Variants in TOX2 observed in about 807,000 individuals in gnomAD.
TOX2 encodes the protein granulosa cell HMG box 1.
A neutral mutation model predicts 47.4 loss-of-function variants in TOX2; 15 were observed. The observed-to-expected ratio is 0.32, with a 90% CI of 0.21 to 0.49. The LOEUF is 0.49. Ranked by LOEUF, TOX2 falls within the 20% of genes least tolerant of loss-of-function variation. The probability of loss-of-function intolerance (pLI) is 0.99; values close to 1 mark genes in which losing one functional copy is unlikely to be tolerated. For missense variants in TOX2, 622 were observed against 673.1 expected, an observed-to-expected ratio of 0.92 and a Z score of 0.84; for synonymous variants, 290 against 296.6, an observed-to-expected ratio of 0.98 and a Z score of 0.23.
At chr20:43,989,685 C>G (rs2070333641) in intron 2 of TOX2, among the ~76,000 whole-genome samples, 1 of 151,240 alleles carries the variant, frequency 6.6e-6, no homozygotes, top group African/African-American at 2.4e-5. Context: ...GAGGCTGAGG[C>G]TGGAGAATCA....
chr20:44,068,642 T>G lies in TOX2; in HGVS notation c.1485-8T>G, dbSNP rs563856444. ...AACAGCTTTGACAGCCCCTCCTCTC[T>G]CTCACAGCCTGCTCCCCAGGGACAA... On this transcript the variant is annotated splice_polypyrimidine_tract_variant and splice_region_variant and intron_variant, in intron 8 of 8. Transcript: ENST00000341197. The G allele has an allele frequency of 3.5e-5, 56 of 1,610,192 alleles. No individual in the cohort carries two copies. The South Asian group carries it at 5.6e-4, about 16-fold the overall frequency.
intron 1 of TOX2, among the ~76,000 whole-genome samples, chr20:43,966,537 C>T (rs2069856701): frequency 6.6e-6 from 1 of 152,098 alleles, no homozygotes; most frequent in Non-Finnish European, 1.5e-5. Context: ...GCAGGCAGGT[C>T]ACTTGAGAGC....
intron 1 of TOX2, among the ~76,000 whole-genome samples, chr20:43,920,492 T>C (rs765857995): frequency 2.0e-5 from 3 of 152,152 alleles, no homozygotes; most frequent in African/African-American, 4.8e-5. Context: ...AGAGCTGAGA[T>C]GGCTGGTCCC....
chr20:43,981,662 A>G (rs979243277), intron 2 of TOX2, among the ~76,000 whole-genome samples: 1 of 152,198 alleles, frequency 6.6e-6, no homozygotes, highest in African/African-American at 2.4e-5. Flanking sequence ...AAGAAGAAGG[A>G]GAGAGTCAGT....
rs1442465195 is a variant in TOX2, at chr20:43,945,864, C to CT, written c.100-27501dup. ...AGAGGACCAAGAGTTGTCAGGAGGG[C>CT]TTATAAAGCTTGCTATTTCTGGCAT... On this transcript the variant is annotated intron_variant, in intron 1 of 8. Transcript: ENST00000341197. 6 of 1,603,554 alleles carry CT rather than the reference C, an allele frequency of 3.7e-6. No individual in the cohort carries two copies. In the Admixed American group the frequency reaches 1.0e-4, roughly 27 times the overall value.
intron 1 of TOX2, among the ~76,000 whole-genome samples, chr20:43,957,582 T>C (rs902919233): frequency 6.6e-6 from 1 of 151,998 alleles, no homozygotes. Context: ...TTTTTTTTTT[T>C]TTTTTGGCTT....
chr20:43,960,117 C>T (rs570500880), intron 1 of TOX2, among the ~76,000 whole-genome samples: 61 of 152,282 alleles, frequency 4.0e-4, no homozygotes, highest in Non-Finnish European at 6.2e-4. Context: ...ATTATAGGAA[C>T]GGATGTTTGT....
intron 2 of TOX2, among the ~76,000 whole-genome samples, chr20:43,994,144 C>T (rs568187907): frequency 3.9e-5 from 6 of 151,926 alleles, no homozygotes; most frequent in African/African-American, 1.4e-4. Context: ...GAGCAAGACC[C>T]TGTCTCGAAA....
At chr20:43,987,594 G>A (rs1170190428) in intron 2 of TOX2, among the ~76,000 whole-genome samples, 1 of 152,218 alleles carries the variant, frequency 6.6e-6, no homozygotes, top group East Asian at 1.9e-4. Context: ...TAGAGACAGG[G>A]CAGGCAGGGA....
At chr20:44,049,997 A>G (rs1478134083) in intron 3 of TOX2, among the ~76,000 whole-genome samples, 3 of 152,206 alleles carry the variant, frequency 2.0e-5, no homozygotes, top group African/African-American at 4.8e-5. Flanking sequence ...TCCTCTGGGT[A>G]TATACCCAGT....
chr20:43,926,284 TTC>T (rs2069166861), intron 1 of TOX2, among the ~76,000 whole-genome samples: 1 of 152,190 alleles, frequency 6.6e-6, no homozygotes, highest in Admixed American at 6.5e-5. Flanking sequence ...CTCCCATGCT[TTC>T]TCTGTTCTCT....
At chr20:43,937,433 GTGT>G (rs2069340521) in intron 1 of TOX2, among the ~76,000 whole-genome samples, 3 of 152,144 alleles carry the variant, frequency 2.0e-5, no homozygotes, top group African/African-American at 7.2e-5. Flanking sequence ...ATTGGGAAGG[GTGT>G]TGTGGGCACA....
At chr20:43,958,284 T>C (rs915537089) in intron 1 of TOX2, among the ~76,000 whole-genome samples, 2 of 152,220 alleles carry the variant, frequency 1.3e-5, no homozygotes, top group African/African-American at 4.8e-5. Context: ...CTTCCATTAC[T>C]CTTTCTTTAA....
At chr20:43,934,136 G>GGGGA (rs111694860) in intron 1 of TOX2, among the ~76,000 whole-genome samples, 3 of 122,084 alleles carry the variant, frequency 2.5e-5, no homozygotes, top group Non-Finnish European at 3.3e-5. Flanking sequence ...CCCAAGGTAA[G>GGGGA]GAGAGAGAGA....
chr20:44,068,606 G>C, intron 8 of TOX2, 44 bp from the exon 9 acceptor site: 1 of 1,591,572 alleles, frequency 6.3e-7, no homozygotes, highest in Admixed American at 1.7e-5. Flanking sequence ...CCCTGGCCCG[G>C]AGAGGTACCC....
At chr20:44,011,949 A>G (rs2070783436) in intron 3 of TOX2, among the ~76,000 whole-genome samples, 1 of 152,214 alleles carries the variant, frequency 6.6e-6, no homozygotes, top group South Asian at 2.1e-4. Flanking sequence ...CCTTTTACAA[A>G]ATTAAATATG....
At position 44,064,951 on chromosome 20, in the gene TOX2, C is replaced by A. The variant is rs1316423921; in HGVS notation, c.960+94C>A. 1.8e-5 allele frequency: 22 copies of A among 1,191,096 alleles called. No homozygotes were observed. The South Asian group carries it at 2.7e-4, about 15-fold the overall frequency. The allele number at this position is 1,191,096 out of a possible 1,614,324, so 73.8% of individuals were successfully genotyped here. A position where few individuals can be genotyped will look rare whatever the true frequency, so the allele number is the denominator to read the frequency against. ...GGGGCCCGTGGGAAGGGCCGGCACC[C>A]CAGGTCTTAGAAAGAATGGCTCAGA... On this transcript the variant is annotated intron_variant, in intron 6 of 8. Transcript: ENST00000341197.
At chr20:43,987,364 G>T (rs73120103) in intron 2 of TOX2, among the ~76,000 whole-genome samples, 2 of 152,140 alleles carry the variant, frequency 1.3e-5, no homozygotes, top group Non-Finnish European at 2.9e-5. Context: ...TACCCTAGAG[G>T]GGGGTGGGGA....
rs917418348 is a variant in TOX2 at position 43,927,334 on chromosome 20, C to T, written c.99+12344C>T. ...AGGAAAAGGGTTTGGTTAACCCTTT[C>T]CCCCATATTCATCATCCTACTTTTT... On this transcript the variant is annotated intron_variant, in intron 1 of 8. Transcript: ENST00000341197. 2.6e-5 allele frequency among the ~76,000 whole-genome samples: 4 copies of T among 152,196 alleles called. 1 individual carries two copies. Among genetic ancestry groups the T allele is most frequent in the Admixed American group, 6.5e-5 (1 of 15,286 alleles).
Sources: gnomAD v4.1 joint callset for allele counts (sites outside exome capture counted in the v4.1 genomes callset) on GRCh38, gnomAD v4.1.1 for gene constraint, MANE v1.5 for transcripts, NCBI Gene and HGNC (gene_info 2026-07-23, HGNC 2026-07-21) for gene names.